Variants in FRMD6 observed in about 807,000 individuals in gnomAD.
FRMD6 encodes the protein FERM domain containing 6.
In FRMD6, 37 loss-of-function variants were observed where a neutral mutation model predicts 73.2. The observed-to-expected ratio is 0.51, with a 90% confidence interval of 0.39 to 0.66. FRMD6 has a LOEUF of 0.66. Among genes scored for constraint, FRMD6 ranks in the 30% least tolerant of loss-of-function variants. The pLI is 0.00. For missense variants in FRMD6, 714 were observed against 780.5 expected, an observed-to-expected ratio of 0.91 and a Z score of 1.02; for synonymous variants, 273 against 282.2, an observed-to-expected ratio of 0.97 and a Z score of 0.33.
chr14:51,422,045 G>A, the FRMD6 span, among the ~76,000 whole-genome samples: 1 of 152,180 alleles, frequency 6.6e-6, no homozygotes, highest in Non-Finnish European at 1.5e-5. Flanking sequence ...GGTTCCCTGA[G>A]GCTCACTTCC....
chr14:51,425,215 C>G, the FRMD6 span, among the ~76,000 whole-genome samples: 3 of 152,264 alleles, frequency 2.0e-5, no homozygotes, highest in Middle Eastern at 3.4e-3. Flanking sequence ...AATCTCATTC[C>G]CTGCCCTGGT....
At chr14:51,410,140 A>T in the FRMD6 span, among the ~76,000 whole-genome samples, 2 of 152,212 alleles carry the variant, frequency 1.3e-5, no homozygotes. Flanking sequence ...AAAGCTTAGG[A>T]ATATTTGGTA....
rs112850792 is a variant in FRMD6 at position 51,719,697 on chromosome 14, A to G, written c.1025-358A>G. Among the ~76,000 whole-genome samples, 1,038 of 152,340 alleles carry G rather than the reference A, an allele frequency of 6.8e-3. 14 individuals carry two copies. Among genetic ancestry groups the G allele is most frequent in the African/African-American group, 0.024 (992 of 41,576 alleles). On this transcript the variant is annotated intron_variant, in intron 10 of 13. Transcript: ENST00000344768. ...AATCACATTGGTGGCTGTCATGGCA[A>G]TGTCACATAGCTCTGGAAGTTTCTA...
intron 2 of FRMD6, among the ~76,000 whole-genome samples, chr14:51,620,740 A>G (rs1890897197): frequency 6.6e-6 from 1 of 152,184 alleles, no homozygotes; most frequent in South Asian, 2.1e-4. Flanking sequence ...AGACATGACA[A>G]TGCACAGACC....
the FRMD6 span, among the ~76,000 whole-genome samples, chr14:51,446,825 T>C: frequency 2.0e-5 from 3 of 152,120 alleles, no homozygotes; most frequent in Admixed American, 2.0e-4. Flanking sequence ...AGGGGAAGAC[T>C]GAAGCTCTTT....
rs745908945 is a variant in FRMD6, at chr14:51,727,824, T to G, written c.1664T>G (p.Phe555Cys). 4.3e-6 allele frequency: 7 copies of G among 1,614,026 alleles called. No homozygotes were observed. Among genetic ancestry groups the G allele is most frequent in the Non-Finnish European group, 5.9e-6 (7 of 1,179,964 alleles). The change falls in exon 14 of 14, where the codon TTC becomes TGC. Residue 555 changes from phenylalanine to cysteine, a missense_variant. Physicochemically the swap from Phe to Cys is radical, Grantham distance 205 (BLOSUM62 -2). Coordinates refer to ENST00000344768, the MANE Select transcript of FRMD6 (RefSeq NM_001267046.2). ...LDDIRLYQKD[F>C]LRIAGLCQDT... ...GACATCAGACTTTACCAGAAAGACT[T>G]CCTGCGCATTGCAGGTCTGTGTCAG...
chr14:51,534,293 A>T (rs1885762024), intron 1 of FRMD6, among the ~76,000 whole-genome samples: 1 of 152,228 alleles, frequency 6.6e-6, no homozygotes, highest in Non-Finnish European at 1.5e-5. Context: ...TATTACAGGG[A>T]GGAAAGATTT....
At chr14:51,435,521 C>T in the FRMD6 span, among the ~76,000 whole-genome samples, 1 of 151,780 alleles carries the variant, frequency 6.6e-6, no homozygotes, top group Non-Finnish European at 1.5e-5. Context: ...TATTAGAAAC[C>T]TTAAGAGTCC....
At chr14:51,433,174 G>A in the FRMD6 span, among the ~76,000 whole-genome samples, 7 of 152,182 alleles carry the variant, frequency 4.6e-5, no homozygotes, top group African/African-American at 1.7e-4. Flanking sequence ...GTTTGACTCA[G>A]AAATCTCATT....
chr14:51,452,090 G>T, the FRMD6 span, among the ~76,000 whole-genome samples: 1 of 152,180 alleles, frequency 6.6e-6, no homozygotes, highest in Non-Finnish European at 1.5e-5. Context: ...CATTGAAAAG[G>T]GATGAAAACT....
intron 1 of FRMD6, among the ~76,000 whole-genome samples, chr14:51,499,871 T>C (rs1883505080): frequency 1.3e-5 from 2 of 152,214 alleles, no homozygotes; most frequent in African/African-American, 4.8e-5. Flanking sequence ...CATTTGATTC[T>C]TATGTCTGAA....
At chr14:51,525,177 TGGATGGATGG>T (rs1885180359) in intron 1 of FRMD6, among the ~76,000 whole-genome samples, 2 of 151,380 alleles carry the variant, frequency 1.3e-5, no homozygotes, top group Admixed American at 1.3e-4. Flanking sequence ...GATGGATGGA[TGGATGGATGG>T]ATAAAGGTTT....
At chr14:51,530,663 T>C (rs1421245558) in intron 1 of FRMD6, among the ~76,000 whole-genome samples, 3 of 151,426 alleles carry the variant, frequency 2.0e-5, no homozygotes, top group Admixed American at 6.6e-5. Context: ...TTTTTTTTAA[T>C]TTTAGTAGTC....
At chr14:51,533,657 T>A (rs1367586380) in intron 1 of FRMD6, among the ~76,000 whole-genome samples, 1 of 152,180 alleles carries the variant, frequency 6.6e-6, no homozygotes, top group Non-Finnish European at 1.5e-5. Context: ...AAAAAGGAAA[T>A]ACCTTCTGAA....
At chr14:51,599,557 C>T (rs1037675472) in intron 2 of FRMD6, among the ~76,000 whole-genome samples, 1 of 152,118 alleles carries the variant, frequency 6.6e-6, no homozygotes, top group Non-Finnish European at 1.5e-5. Flanking sequence ...AAACAGACAA[C>T]CTATGAAATG....
rs1489046650 is a variant in FRMD6 at position 51,715,402 on chromosome 14, C to T, written c.927C>T (p.Arg309=). The change falls in exon 10 of 14, where the codon CGC becomes CGT. Residue 309 remains arginine (R), a synonymous_variant. Coordinates refer to ENST00000344768, the MANE Select transcript of FRMD6 (RefSeq NM_001267046.2). ...TATACTACACGGGGTGCCCCATGCG[C>T]TCCAGACACCTCCTGCAACTTCTGA... ...KLIYYTGCPM[R]SRHLLQLLSN... The T allele has an allele frequency of 6.2e-7, 1 of 1,613,916 alleles. No homozygotes were observed. The highest frequency in any genetic ancestry group is 1.3e-5 in the African/African-American group (1 of 75,060).
At position 51,728,371 on chromosome 14, in the gene FRMD6, A is replaced by ATT. The variant is rs11426856; in HGVS notation, c.*348_*349dup. 2 of 199,856 alleles carry ATT rather than the reference A, an allele frequency of 1.0e-5. No homozygotes were observed. The highest frequency in any genetic ancestry group is 2.4e-4 in the East Asian group (2 of 8,252). 12.4% of individuals were successfully genotyped at this position (199,856 alleles called of 1,614,324 possible). On this transcript the variant is annotated 3_prime_UTR_variant, in exon 14 of 14. Transcript: ENST00000344768. ...TTAGTTCAGTTACATGTAACATCACATTTTTTTATCACGTGAAAGATGTTA... is the reference window on the plus strand; with the variant it reads ...TTAGTTCAGTTACATGTAACATCACATTTTTTTTTATCACGTGAAAGATGTTA...
intron 1 of FRMD6, among the ~76,000 whole-genome samples, chr14:51,550,590 C>CCA (rs1555374787): frequency 9.3e-5 from 14 of 151,154 alleles, no homozygotes; most frequent in South Asian, 4.2e-4. Context: ...ACCCCCCCGC[C>CCA]ATGCTTATAG....
chr14:51,620,373 C>T (rs184643581), intron 2 of FRMD6, among the ~76,000 whole-genome samples: 5 of 152,014 alleles, frequency 3.3e-5, no homozygotes, highest in South Asian at 4.2e-4. Context: ...AAAAAGATTC[C>T]GCAAAACCAC....
Sources: allele counts gnomAD v4.1 joint callset (sites outside exome capture counted in the v4.1 genomes callset), GRCh38; gene constraint gnomAD v4.1.1; transcripts MANE v1.5; gene names NCBI Gene and HGNC (gene_info 2026-07-23, HGNC 2026-07-21).